Variants in PRKAR2A observed in about 807,000 individuals in gnomAD.
PRKAR2A encodes the protein cAMP-dependent protein kinase type II-alpha regulatory subunit.
A neutral mutation model predicts 51.9 loss-of-function variants in PRKAR2A; 29 were observed. The ratio of observed to expected loss-of-function variants is 0.56; its 90% CI spans 0.42 to 0.76. The LOEUF (loss-of-function observed/expected upper bound fraction) is 0.76. Among genes scored for constraint, PRKAR2A ranks in the 30% least tolerant of loss-of-function variants. The probability of loss-of-function intolerance (pLI) is 0.00; values close to 1 mark genes in which losing one functional copy is unlikely to be tolerated. For synonymous variants in PRKAR2A, 178 were observed against 186.2 expected, an observed-to-expected ratio of 0.96 and a Z score of 0.36; for missense variants, 445 against 512.1, an observed-to-expected ratio of 0.87 and a Z score of 1.26.
chr3:48,828,259 G>C (rs1173589190), intron 1 of PRKAR2A, among the ~76,000 whole-genome samples: 1 of 152,088 alleles, frequency 6.6e-6, no homozygotes, highest in Non-Finnish European at 1.5e-5. Context: ...CTACAAACAG[G>C]CGTGATCATG....
chr3:48,769,613 A>G (rs2081998773), intron 6 of PRKAR2A, among the ~76,000 whole-genome samples: 1 of 151,752 alleles, frequency 6.6e-6, no homozygotes, highest in African/African-American at 2.4e-5. Flanking sequence ...AGTAGCTAGG[A>G]TTATAGGCAT....
rs567815406 is a variant in PRKAR2A, at chr3:48,772,242, T to G, written c.696+713A>C. Reference sequence around the variant, plus strand: ...TGAACCAGTAGTTAGCACCAAGGCTTATTATTTGATTTTGTATTTTTTGAG... The same window carrying G: ...TGAACCAGTAGTTAGCACCAAGGCTGATTATTTGATTTTGTATTTTTTGAG... On this transcript the variant is annotated intron_variant, in intron 6 of 10. Transcript: ENST00000265563. 9.8e-5 allele frequency among the ~76,000 whole-genome samples: 15 copies of G among 152,304 alleles called. No individual in the cohort carries two copies. The South Asian group carries it at 2.9e-3, about 29-fold the overall frequency.
chr3:48,755,677 G>A (rs1041788997), intron 9 of PRKAR2A, among the ~76,000 whole-genome samples: 29 of 147,948 alleles, frequency 2.0e-4, no homozygotes, highest in African/African-American at 6.5e-4. Context: ...GCACAATCAC[G>A]GTTCACTGCA....
chr3:48,760,879 T>G (rs1308169495), intron 8 of PRKAR2A, among the ~76,000 whole-genome samples: 1 of 150,756 alleles, frequency 6.6e-6, no homozygotes, highest in Non-Finnish European at 1.5e-5. Flanking sequence ...TGGCATTACT[T>G]GGAAGGCTAA....
intron 5 of PRKAR2A, among the ~76,000 whole-genome samples, chr3:48,780,602 CAAAAAAAA>C (rs568780150): frequency 2.0e-5 from 1 of 49,358 alleles, no homozygotes; most frequent in Non-Finnish European, 4.3e-5. Flanking sequence ...GACTCCGTCT[CAAAAAAAA>C]AAAAAAAAAA....
At chr3:48,762,055 A>G (rs1317984662) in intron 8 of PRKAR2A, among the ~76,000 whole-genome samples, 2 of 152,226 alleles carry the variant, frequency 1.3e-5, no homozygotes, top group African/African-American at 2.4e-5. Context: ...AAAGTACACA[A>G]CTACAAAGAA....
At position 48,749,018 on chromosome 3, in the gene PRKAR2A, T is replaced by C. The variant is rs1391889972; in HGVS notation, c.*2567A>G. On this transcript the variant is annotated 3_prime_UTR_variant, in exon 11 of 11. Coordinates refer to ENST00000265563, the MANE Select transcript of PRKAR2A (RefSeq NM_004157.4). ...TACTCTGGAAATATCTTGGTCACAC[T>C]GTCCGTGGCAAAAGCGGAAAGCCTA... The C allele has an allele frequency of 6.6e-6, 1 of 152,258 alleles. No individual in the cohort carries two copies. Among genetic ancestry groups the C allele is most frequent in the African/African-American group, 2.4e-5 (1 of 41,468 alleles). The allele number at this position is 152,258 out of a possible 1,614,324, so 9.4% of individuals were successfully genotyped here.
chr3:48,805,752 T>G (rs537675446), intron 2 of PRKAR2A, among the ~76,000 whole-genome samples: 3 of 152,362 alleles, frequency 2.0e-5, no homozygotes, highest in African/African-American at 7.2e-5. Flanking sequence ...CTTTCTCTCC[T>G]GTATCATCCT....
chr3:48,761,241 C>T (rs1291932028), intron 8 of PRKAR2A, among the ~76,000 whole-genome samples: 1 of 152,104 alleles, frequency 6.6e-6, no homozygotes, highest in Non-Finnish European at 1.5e-5. Flanking sequence ...GAGATCACAC[C>T]ACTGCACTCT....
intron 8 of PRKAR2A, among the ~76,000 whole-genome samples, chr3:48,759,611 C>T (rs1369399609): frequency 1.3e-5 from 2 of 151,992 alleles, no homozygotes; most frequent in Non-Finnish European, 2.9e-5. Context: ...GGTCTCGAAC[C>T]CCCAACCTCA....
At chr3:48,803,168 C>CA (rs2107347980) in intron 2 of PRKAR2A, among the ~76,000 whole-genome samples, 1 of 152,310 alleles carries the variant, frequency 6.6e-6, no homozygotes, top group South Asian at 2.1e-4. Context: ...GTAATCCCAA[C>CA]ACTGGGAGGC....
At chr3:48,835,513 C>T (rs1288165038) in intron 1 of PRKAR2A, among the ~76,000 whole-genome samples, 2 of 151,728 alleles carry the variant, frequency 1.3e-5, no homozygotes, top group East Asian at 1.9e-4. Context: ...TGGTGGCAGA[C>T]GCCTGTAGTC....
intron 2 of PRKAR2A, among the ~76,000 whole-genome samples, chr3:48,805,006 G>A (rs1004670381): frequency 6.6e-6 from 1 of 152,082 alleles, no homozygotes; most frequent in Non-Finnish European, 1.5e-5. Context: ...TGACCTCCCA[G>A]GCTCAAGCAA....
intron 1 of PRKAR2A, among the ~76,000 whole-genome samples, chr3:48,835,000 C>A (rs1338288197): frequency 7.2e-6 from 1 of 138,670 alleles, no homozygotes; most frequent in African/African-American, 2.7e-5. Context: ...GAGACAAAGT[C>A]TCATTCTGTC....
Position 48,779,395 on chromosome 3 carries a change from A to C in PRKAR2A, c.542+3591T>G, listed in dbSNP as rs2082157875. ...GTGGATGCTTATTTCCCAGATCATA[A>C]GTGCCCAATGGGACCTCTGTCTTGG... On this transcript the variant is annotated intron_variant, in intron 5 of 10. Coordinates refer to ENST00000265563, the MANE Select transcript of PRKAR2A (RefSeq NM_004157.4). Among the ~76,000 whole-genome samples the C allele has an allele frequency of 2.0e-5, 3 of 152,294 alleles. No homozygotes were observed. In the South Asian group the frequency reaches 6.2e-4, roughly 32 times the overall value.
rs187892623 is a variant in PRKAR2A, at chr3:48,796,641, C to T, written c.299-2592G>A. ...TCCCAGGTAGCTGGGATTACAAGTG[C>T]TAATTTTTATATTTTTAGTAGAGAC... On this transcript the variant is annotated intron_variant, in intron 2 of 10. Transcript: ENST00000265563. 5.1e-3 allele frequency among the ~76,000 whole-genome samples: 754 copies of T among 148,632 alleles called. 23 individuals carry two copies. The highest frequency in any genetic ancestry group is 0.047 in the Admixed American group (680 of 14,622).
Position 48,760,777 on chromosome 3 carries a change from G to T in PRKAR2A, c.873+4227C>A, listed in dbSNP as rs566866031. ...TTGAACACAGGAGGCGGGGGTGGTG[G>T]TGAGCTGAGATCGTGGCATTGCACT... On this transcript the variant is annotated intron_variant, in intron 8 of 10. Transcript: ENST00000265563. Among the ~76,000 whole-genome samples the T allele has an allele frequency of 4.1e-4, 62 of 150,852 alleles. 1 individual carries two copies. The highest frequency in any genetic ancestry group is 6.8e-3 in the Middle Eastern group (2 of 292).
chr3:48,768,905 C>G (rs962338576), intron 6 of PRKAR2A, among the ~76,000 whole-genome samples: 1 of 151,960 alleles, frequency 6.6e-6, no homozygotes, highest in Non-Finnish European at 1.5e-5. Context: ...TCGAAACCAG[C>G]CTAGCCAACA....
rs192993800 is a variant in PRKAR2A at position 48,754,052 on chromosome 3, C to G, written c.940-1735G>C. 2.0e-5 allele frequency among the ~76,000 whole-genome samples: 3 copies of G among 150,962 alleles called. No individual in the cohort carries two copies. The East Asian group carries it at 5.9e-4, about 30-fold the overall frequency. On this transcript the variant is annotated intron_variant, in intron 9 of 10. Coordinates refer to ENST00000265563, the MANE Select transcript of PRKAR2A (RefSeq NM_004157.4). ...AGCTGGGACTACAGGTGCCCGCAACCACACCTGGCTAATATTTTTTGTGTT... is the reference window on the plus strand; with the variant it reads ...AGCTGGGACTACAGGTGCCCGCAACGACACCTGGCTAATATTTTTTGTGTT...
Sources: gnomAD v4.1 joint callset for allele counts (sites outside exome capture counted in the v4.1 genomes callset) on GRCh38, gnomAD v4.1.1 for gene constraint, MANE v1.5 for transcripts, NCBI Gene and HGNC (gene_info 2026-07-23, HGNC 2026-07-21) for gene names.